Variants in PHYHIPL observed in about 807,000 individuals in gnomAD.
The protein encoded by PHYHIPL is phytanoyl-CoA hydroxylase-interacting protein-like.
Under a neutral mutation model 33.4 loss-of-function variants are expected in PHYHIPL, and 9 were observed. The ratio of observed to expected loss-of-function variants is 0.27; its 90% CI spans 0.16 to 0.47. The LOEUF (loss-of-function observed/expected upper bound fraction) is 0.47. Ranked by LOEUF, PHYHIPL falls within the 20% of genes least tolerant of loss-of-function variation. The pLI is 0.99. For synonymous variants in PHYHIPL, 153 were observed against 154.1 expected, an observed-to-expected ratio of 0.99 and a Z score of 0.05; for missense variants, 365 against 460.7, an observed-to-expected ratio of 0.79 and a Z score of 1.90.
chr10:59,178,809 G>C (rs1366560461), intron 1 of PHYHIPL, among the ~76,000 whole-genome samples: 1 of 151,960 alleles, frequency 6.6e-6, no homozygotes, highest in Admixed American at 6.6e-5. Flanking sequence ...ATTTTATTCT[G>C]GTATTATTTT....
intron 1 of PHYHIPL, among the ~76,000 whole-genome samples, chr10:59,210,459 C>T (rs989857869): frequency 4.6e-5 from 7 of 152,152 alleles, no homozygotes; most frequent in Non-Finnish European, 5.9e-5. Flanking sequence ...GAAATAGGAA[C>T]GCTTTTACAC....
In PHYHIPL at chr10:59,176,878, G is replaced by A. The variant is rs374585969; in HGVS notation, c.25G>A (p.Ala9Thr). The change falls in exon 1 of 5, where the codon GCC becomes ACC. Residue 9 changes from alanine to threonine, a missense_variant. Physicochemically the swap from Ala to Thr is moderately conservative, Grantham distance 58. Transcript: ENST00000373880. ...AATGGAGGTGCCGCGCCTGGATCAT[G>A]CCCTCAACAGCCCCACCAGCCCCTG... is the stretch of plus-strand genomic sequence containing the variant. MEVPRLDH[A>T]LNSPTSPCEE... The A allele has an allele frequency of 1.9e-6, 3 of 1,613,286 alleles. No individual in the cohort carries two copies. The highest frequency in any genetic ancestry group is 2.7e-5 in the African/African-American group (2 of 74,900).
chr10:59,247,005 A>G lies in PHYHIPL; in HGVS notation c.*1414A>G, dbSNP rs1840763120. 5.5e-6 allele frequency: 1 copy of G among 180,760 alleles called. No individual in the cohort carries two copies. Among genetic ancestry groups the G allele is most frequent in the Non-Finnish European group, 1.1e-5 (1 of 88,318 alleles). 11.2% of individuals were successfully genotyped at this position (180,760 alleles called of 1,614,324 possible). On this transcript the variant is annotated 3_prime_UTR_variant, in exon 5 of 5. Coordinates refer to ENST00000373880, the MANE Select transcript of PHYHIPL (RefSeq NM_032439.4). ...GGTAACCAGAAATGTAAAATTTCAA[A>G]TAACGGATAAAATAATGTGTTATTT...
At chr10:59,194,939 T>A (rs537867302) in intron 1 of PHYHIPL, among the ~76,000 whole-genome samples, 5 of 152,318 alleles carry the variant, frequency 3.3e-5, no homozygotes, top group African/African-American at 1.2e-4. Context: ...GCCCAGCATT[T>A]CTGTCAATGT....
At chr10:59,219,275 G>A in intron 1 of PHYHIPL, 1 of 917,864 alleles carries the variant, frequency 1.1e-6, no homozygotes, top group South Asian at 5.0e-5. Flanking sequence ...AATTGCTGTA[G>A]TGTTTCTGCA....
chr10:59,198,816 A>C (rs532354977), intron 1 of PHYHIPL, among the ~76,000 whole-genome samples: 138 of 152,130 alleles, frequency 9.1e-4, no homozygotes, highest in African/African-American at 2.9e-3. Flanking sequence ...TGATGATGAG[A>C]GTTTTTTCAT....
intron 4 of PHYHIPL, among the ~76,000 whole-genome samples, chr10:59,242,075 A>T (rs1374467654): frequency 6.6e-6 from 1 of 152,152 alleles, no homozygotes; most frequent in African/African-American, 2.4e-5. Flanking sequence ...CTAGACCTCT[A>T]TCCTCTCACA....
chr10:59,205,556 C>G (rs905060514), intron 1 of PHYHIPL, among the ~76,000 whole-genome samples: 24 of 152,232 alleles, frequency 1.6e-4, no homozygotes, highest in African/African-American at 5.8e-4. Flanking sequence ...TTCATGTGCC[C>G]TGGTAAAAGA....
intron 1 of PHYHIPL, among the ~76,000 whole-genome samples, chr10:59,233,482 A>C (rs1840136922): frequency 6.6e-6 from 1 of 151,548 alleles, no homozygotes; most frequent in African/African-American, 2.4e-5. Context: ...GGGGAAAGGG[A>C]ATGTAGAAAA....
intron 1 of PHYHIPL, among the ~76,000 whole-genome samples, chr10:59,205,116 A>G (rs1174135984): frequency 6.6e-6 from 1 of 152,212 alleles, no homozygotes; most frequent in Admixed American, 6.5e-5. Context: ...TGGCCTCCCA[A>G]AGTGCTGGGA....
At chr10:59,228,027 A>C (rs1839977966) in intron 1 of PHYHIPL, among the ~76,000 whole-genome samples, 1 of 149,754 alleles carries the variant, frequency 6.7e-6, no homozygotes, top group South Asian at 2.1e-4. Context: ...AGGGTGCAAA[A>C]AATGCGCACC....
At chr10:59,193,091 T>C (rs958050170) in intron 1 of PHYHIPL, among the ~76,000 whole-genome samples, 7 of 152,164 alleles carry the variant, frequency 4.6e-5, no homozygotes, top group African/African-American at 1.7e-4. Context: ...TTGAGACCCA[T>C]ATGAGGTTTT....
intron 1 of PHYHIPL, among the ~76,000 whole-genome samples, chr10:59,215,482 CT>C (rs1839589236): frequency 6.6e-6 from 1 of 151,994 alleles, no homozygotes; most frequent in East Asian, 1.9e-4. Context: ...GGTTCCTTTA[CT>C]TAAGCATTCA....
chr10:59,194,030 A>G (rs1564703654), intron 1 of PHYHIPL, among the ~76,000 whole-genome samples: 2 of 151,710 alleles, frequency 1.3e-5, no homozygotes, highest in Non-Finnish European at 2.9e-5. Flanking sequence ...TACTTCTTCT[A>G]GAACTTTTGT....
At chr10:59,204,863 G>GT (rs1230018175) in intron 1 of PHYHIPL, among the ~76,000 whole-genome samples, 9,624 of 129,790 alleles carry the variant, frequency 0.074, 434 homozygotes, top group Admixed American at 0.13. Context: ...GTCTCATAAA[G>GT]TTTTTTTTTT....
chr10:59,246,852 T>C lies in PHYHIPL; in HGVS notation c.*1261T>C. 1 of 380,414 alleles carries C rather than the reference T, an allele frequency of 2.6e-6. No homozygotes were observed. Among genetic ancestry groups the C allele is most frequent in the Non-Finnish European group, 4.7e-6 (1 of 214,840 alleles). 23.6% of individuals were successfully genotyped at this position (380,414 alleles called of 1,614,324 possible). On this transcript the variant is annotated 3_prime_UTR_variant, in exon 5 of 5. Coordinates refer to ENST00000373880, the MANE Select transcript of PHYHIPL (RefSeq NM_032439.4). ...ACTATGGACACATTAGATTATATAC[T>C]ACAGACACATATCTATCCAAAATAC...
intron 1 of PHYHIPL, among the ~76,000 whole-genome samples, chr10:59,217,384 A>G (rs1418566065): frequency 1.3e-5 from 2 of 152,038 alleles, no homozygotes; most frequent in Non-Finnish European, 2.9e-5. Context: ...AAATAAAATG[A>G]CTAATTTGTC....
At chr10:59,188,988 T>G (rs930900134) in intron 1 of PHYHIPL, among the ~76,000 whole-genome samples, 1 of 152,128 alleles carries the variant, frequency 6.6e-6, no homozygotes, top group Non-Finnish European at 1.5e-5. Context: ...CCAGGTACAC[T>G]TATAATTCTA....
chr10:59,221,831 TC>T, intron 1 of PHYHIPL: 2 of 412,010 alleles, frequency 4.9e-6, no homozygotes, highest in Non-Finnish European at 6.5e-6. Context: ...AGTCTGAAGT[TC>T]CAGGATGGTA....
Sources: allele counts gnomAD v4.1 joint callset (sites outside exome capture counted in the v4.1 genomes callset), GRCh38; gene constraint gnomAD v4.1.1; transcripts MANE v1.5; gene names NCBI Gene and HGNC (gene_info 2026-07-23, HGNC 2026-07-21).